Variants in CACNA2D3 observed in about 807,000 individuals in gnomAD.
CACNA2D3 encodes calcium voltage-gated channel auxiliary subunit alpha2delta 3.
Under a neutral mutation model 160.6 loss-of-function variants are expected in CACNA2D3, and 60 were observed. That is an observed-to-expected ratio of 0.37 (90% CI 0.30 to 0.46). The LOEUF is 0.46. Ranked by LOEUF, CACNA2D3 falls within the 20% of genes least tolerant of loss-of-function variation. CACNA2D3 has a pLI of 1.00. For missense variants in CACNA2D3, 1,205 were observed against 1,365.0 expected (o/e 0.88, Z 1.85); for synonymous variants, 558 against 492.9 (o/e 1.13, Z -1.75).
chr3:54,467,706 G>A (rs945348880), intron 4 of CACNA2D3, among the ~76,000 whole-genome samples: 1 of 152,166 alleles, frequency 6.6e-6, no homozygotes, highest in Admixed American at 6.5e-5. Flanking sequence ...GGAGAATAGT[G>A]GTTACCAGAG....
At chr3:54,608,021 C>T (rs915908470) in intron 9 of CACNA2D3, among the ~76,000 whole-genome samples, 4 of 151,930 alleles carry the variant, frequency 2.6e-5, no homozygotes, top group African/African-American at 7.3e-5. Flanking sequence ...GAGTATAGGG[C>T]GATAAAGGGT....
At chr3:54,749,250 G>A (rs1370303099) in intron 11 of CACNA2D3, among the ~76,000 whole-genome samples, 2 of 152,180 alleles carry the variant, frequency 1.3e-5, no homozygotes, top group Non-Finnish European at 2.9e-5. Flanking sequence ...ACCTTTACCA[G>A]TACATCATGG....
Position 54,388,645 on chromosome 3 carries a change from A to G in CACNA2D3, c.381+1871A>G, listed in dbSNP as rs114097691. On this transcript the variant is annotated intron_variant, in intron 4 of 37. Transcript: ENST00000474759. ...AGATAGTGAGAAGAACCTTGGATAT[A>G]GCAAGAAGTACCTTACCTTCCTAAA... Among the ~76,000 whole-genome samples the G allele has an allele frequency of 5.2e-3, 793 of 152,330 alleles. 8 individuals are homozygous for G. Among genetic ancestry groups the G allele is most frequent in the African/African-American group, 0.018 (731 of 41,572 alleles).
rs1041999570 is a variant in CACNA2D3, at chr3:54,857,594, A to G, written c.1626+11127A>G. ...CCTGCACCCTGTTGGCTGCCCTCCCATCTCTGAATCACTTTGCCATGTCCC... is the reference window on the plus strand; with the variant it reads ...CCTGCACCCTGTTGGCTGCCCTCCCGTCTCTGAATCACTTTGCCATGTCCC... On this transcript the variant is annotated intron_variant, in intron 17 of 37. Coordinates refer to ENST00000474759, the MANE Select transcript of CACNA2D3 (RefSeq NM_018398.3). Among the ~76,000 whole-genome samples, 21 of 152,110 alleles carry G rather than the reference A, an allele frequency of 1.4e-4. 1 individual carries two copies. Among genetic ancestry groups the G allele is most frequent in the Non-Finnish European group, 1.8e-4 (12 of 68,028 alleles).
At chr3:54,303,314 A>T (rs1439145094) in intron 2 of CACNA2D3, among the ~76,000 whole-genome samples, 1 of 152,170 alleles carries the variant, frequency 6.6e-6, no homozygotes, top group Non-Finnish European at 1.5e-5. Context: ...TTGATTCTAT[A>T]GTCTTTTCTG....
chr3:54,638,650 G>C (rs1019930834), intron 10 of CACNA2D3: 2 of 151,810 alleles, frequency 1.3e-5, no homozygotes, highest in African/African-American at 4.9e-5. Flanking sequence ...AGGAAGATTT[G>C]GGACGAGTTG....
chr3:54,932,387 A>G (rs1184019907), intron 27 of CACNA2D3, among the ~76,000 whole-genome samples: 1 of 152,192 alleles, frequency 6.6e-6, no homozygotes, highest in Non-Finnish European at 1.5e-5. Context: ...TAAGTGGGAA[A>G]GGTCAGTCAC....
chr3:54,755,612 C>T (rs1205850381), intron 12 of CACNA2D3, among the ~76,000 whole-genome samples: 1 of 152,056 alleles, frequency 6.6e-6, no homozygotes, highest in Non-Finnish European at 1.5e-5. Flanking sequence ...CACATTTGGC[C>T]TCATTTCAGG....
chr3:54,635,193 G>A (rs1362716165), intron 10 of CACNA2D3, among the ~76,000 whole-genome samples: 1 of 151,952 alleles, frequency 6.6e-6, no homozygotes, highest in East Asian at 1.9e-4. Flanking sequence ...ATACGGTTTT[G>A]TATGAACTGA....
chr3:54,729,321 C>T (rs1701339611), intron 11 of CACNA2D3, among the ~76,000 whole-genome samples: 1 of 152,160 alleles, frequency 6.6e-6, no homozygotes, highest in Admixed American at 6.5e-5. Context: ...GATCTGGTGG[C>T]ACCTTCAAGC....
rs565962880 is a variant in CACNA2D3 at position 54,771,388 on chromosome 3, T to G, written c.1380+7037T>G. Among the ~76,000 whole-genome samples the G allele has an allele frequency of 3.3e-5, 5 of 152,304 alleles. No homozygotes were observed. In the East Asian group the frequency reaches 9.7e-4, roughly 29 times the overall value. ...GTCTCAGCACAAGTTAGGTGGATCC[T>G]CAGCTCAGGCACTCACAAGGCTACA... On this transcript the variant is annotated intron_variant, in intron 13 of 37. Transcript: ENST00000474759.
chr3:54,621,409 G>A (rs1226992555), intron 9 of CACNA2D3, among the ~76,000 whole-genome samples: 8 of 152,198 alleles, frequency 5.3e-5, no homozygotes, highest in East Asian at 1.9e-4. Context: ...GAGTGGTGGC[G>A]CCAGCGTGGG....
At chr3:54,286,729 T>C (rs980637793) in intron 2 of CACNA2D3, among the ~76,000 whole-genome samples, 6 of 152,192 alleles carry the variant, frequency 3.9e-5, no homozygotes, top group African/African-American at 1.2e-4. Context: ...ACCGGATCTC[T>C]CGGCAGAAAC....
chr3:55,034,530 G>A (rs1393520591), intron 35 of CACNA2D3, among the ~76,000 whole-genome samples: 1 of 151,900 alleles, frequency 6.6e-6, no homozygotes, highest in Non-Finnish European at 1.5e-5. Flanking sequence ...CAATACAAAA[G>A]TAGTACTGGC....
rs9843154 is a variant in CACNA2D3 at position 55,019,602 on chromosome 3, G to C, written c.2987+1285G>C. Reference sequence around the variant, plus strand: ...TATGAACATATCACTGATTTCTGTAGATTGAATATTGTATCCAACACACTG... The same window carrying C: ...TATGAACATATCACTGATTTCTGTACATTGAATATTGTATCCAACACACTG... On this transcript the variant is annotated intron_variant, in intron 35 of 37. Coordinates refer to ENST00000474759, the MANE Select transcript of CACNA2D3 (RefSeq NM_018398.3). 2.6e-5 allele frequency among the ~76,000 whole-genome samples: 4 copies of C among 151,992 alleles called. No individual in the cohort carries two copies. The South Asian group carries it at 6.2e-4, about 24-fold the overall frequency.
intron 5 of CACNA2D3, among the ~76,000 whole-genome samples, chr3:54,536,455 G>A (rs1050595022): frequency 7.2e-5 from 11 of 152,338 alleles, no homozygotes; most frequent in African/African-American, 2.6e-4. Flanking sequence ...TCTCAAGGAC[G>A]ATGGGGACCC....
intron 1 of CACNA2D3, 37 bp downstream of exon 1, chr3:54,122,872 CT>C: frequency 8.2e-7 from 1 of 1,215,694 alleles, no homozygotes. Context: ...GGGAGGGGAC[CT>C]TGCCGCCTGC....
intron 27 of CACNA2D3, among the ~76,000 whole-genome samples, chr3:54,949,209 G>T (rs912499503): frequency 6.6e-6 from 1 of 152,126 alleles, no homozygotes; most frequent in Non-Finnish European, 1.5e-5. Context: ...TATCACTTTG[G>T]CACAGGAGCA....
At chr3:54,531,275 A>G (rs977082418) in intron 5 of CACNA2D3, among the ~76,000 whole-genome samples, 1 of 152,234 alleles carries the variant, frequency 6.6e-6, no homozygotes, top group African/African-American at 2.4e-5. Context: ...GTTGGGGATA[A>G]ACTTGGGCCG....
Sources: allele counts gnomAD v4.1 joint callset (sites outside exome capture counted in the v4.1 genomes callset), GRCh38; gene constraint gnomAD v4.1.1; transcripts MANE v1.5; gene names NCBI Gene and HGNC (gene_info 2026-07-23, HGNC 2026-07-21).